Variants in KCNA2 observed in about 807,000 individuals in gnomAD.
KCNA2 encodes the protein potassium voltage-gated channel subfamily A member 2, also known as potassium channel, voltage gated shaker related subfamily A, member 2.
A neutral mutation model predicts 33.4 loss-of-function variants in KCNA2; 11 were observed. The observed-to-expected ratio is 0.33, with a 90% CI of 0.21 to 0.55. The LOEUF is 0.55. Ranked by LOEUF, KCNA2 falls within the 20% of genes least tolerant of loss-of-function variation. KCNA2 has a pLI of 0.93. For missense variants in KCNA2, 291 were observed against 621.6 expected (o/e 0.47, Z 5.66); for synonymous variants, 222 against 231.3 (o/e 0.96, Z 0.37).
chr1:110,598,261 C>G lies in KCNA2; in HGVS notation c.*5022G>C. ...TATGACAATGGGCCCCAGGAAAGCT[C>G]TGGGGAGCAGAGCTCAGCACCATCA... On this transcript the variant is annotated 3_prime_UTR_variant, in exon 3 of 3. Coordinates refer to ENST00000316361, the MANE Select transcript of KCNA2 (RefSeq NM_004974.4). 2 of 652,688 alleles carry G rather than the reference C, an allele frequency of 3.1e-6. No individual in the cohort carries two copies. The highest frequency in any genetic ancestry group is 3.8e-6 in the Non-Finnish European group (2 of 526,308). The allele number at this position is 652,688 out of a possible 1,614,324, so 40.4% of individuals were successfully genotyped here. A position where few individuals can be genotyped will look rare whatever the true frequency, so the allele number is the denominator to read the frequency against.
upstream of KCNA2, among the ~76,000 whole-genome samples, chr1:110,611,299 G>C (rs1649863964): frequency 6.6e-6 from 1 of 152,214 alleles, no homozygotes. Flanking sequence ...CAAAGTCAAG[G>C]TCAGCCTCCT....
chr1:110,598,623 C>T lies in KCNA2; in HGVS notation c.*4660G>A. On this transcript the variant is annotated 3_prime_UTR_variant, in exon 3 of 3. Transcript: ENST00000316361. Reference sequence around the variant, plus strand: ...CTGGGGTCTCAGGCCATCATAGCTTCCATGGGAGCCCTTTCCATACTAGGC... The same window carrying T: ...CTGGGGTCTCAGGCCATCATAGCTTTCATGGGAGCCCTTTCCATACTAGGC... The T allele has an allele frequency of 1.0e-6, 1 of 985,310 alleles. No homozygotes were observed. The highest frequency in any genetic ancestry group is 1.2e-6 in the Non-Finnish European group (1 of 829,944). 61.0% of individuals were successfully genotyped at this position (985,310 alleles called of 1,614,324 possible). A position where few individuals can be genotyped will look rare whatever the true frequency, so the allele number is the denominator to read the frequency against.
At position 110,598,154 on chromosome 1, in the gene KCNA2, G is replaced by A; in HGVS notation, c.*5129C>T. ...AATGGATACCTTGCCAAGGCTAGGG[G>A]AACCTCCATTGTGCAACCAAGGAGC... On this transcript the variant is annotated 3_prime_UTR_variant, in exon 3 of 3. Transcript: ENST00000316361. The A allele has an allele frequency of 1.2e-6, 1 of 812,298 alleles. No individual in the cohort carries two copies. Among genetic ancestry groups the A allele is most frequent in the Non-Finnish European group, 1.5e-6 (1 of 671,910 alleles). 50.3% of individuals were successfully genotyped at this position (812,298 alleles called of 1,614,324 possible).
At chr1:110,622,702 A>T (rs916972220) in intron 1 of KCNA2, among the ~76,000 whole-genome samples, 3 of 152,176 alleles carry the variant, frequency 2.0e-5, no homozygotes, top group African/African-American at 7.2e-5. Context: ...ACAACAAACA[A>T]TTATAAATTG....
chr1:110,621,097 C>T (rs1650246100), intron 1 of KCNA2, among the ~76,000 whole-genome samples: 1 of 152,230 alleles, frequency 6.6e-6, no homozygotes, highest in African/African-American at 2.4e-5. Flanking sequence ...TCTTGGACAA[C>T]CAATCTCTGG....
At chr1:110,612,936 C>G (rs1649924520) in intron 1 of KCNA2, among the ~76,000 whole-genome samples, 1 of 152,232 alleles carries the variant, frequency 6.6e-6, no homozygotes, top group Non-Finnish European at 1.5e-5. Context: ...GCTTGCCATT[C>G]ACATGACCTT....
At chr1:110,613,065 G>A (rs1027574875) in intron 1 of KCNA2, among the ~76,000 whole-genome samples, 2 of 152,202 alleles carry the variant, frequency 1.3e-5, no homozygotes, top group Non-Finnish European at 2.9e-5. Context: ...TTATCTCAGT[G>A]ACTTCCAGGA....
At position 110,602,393 on chromosome 1, in the gene KCNA2, CAACA is replaced by C; in HGVS notation, c.*886_*889del. On this transcript the variant is annotated 3_prime_UTR_variant, in exon 3 of 3. Coordinates refer to ENST00000316361, the MANE Select transcript of KCNA2 (RefSeq NM_004974.4). ...TGTGTTTTAAATATTGAGATTCATGCAACAAACACCCATGCAGCTCTATTGCATC... is the reference window on the plus strand; with the variant it reads ...TGTGTTTTAAATATTGAGATTCATGCAACACCCATGCAGCTCTATTGCATC... The C allele has an allele frequency of 1.4e-6, 2 of 1,391,160 alleles. No individual in the cohort carries two copies. Among genetic ancestry groups the C allele is most frequent in the Middle Eastern group, 2.7e-4 (1 of 3,730 alleles). The allele number at this position is 1,391,160 out of a possible 1,614,324, so 86.2% of individuals were successfully genotyped here.
chr1:110,629,189 G>T (rs976962885), intron 1 of KCNA2, among the ~76,000 whole-genome samples: 5 of 152,140 alleles, frequency 3.3e-5, no homozygotes, highest in African/African-American at 1.2e-4. Context: ...GAGAGCCTGA[G>T]TTTAGTGGCT....
At chr1:110,615,818 C>G (rs976686005) in intron 1 of KCNA2, among the ~76,000 whole-genome samples, 1 of 152,142 alleles carries the variant, frequency 6.6e-6, no homozygotes, top group Non-Finnish European at 1.5e-5. Flanking sequence ...GGAGGAGGGA[C>G]AGAGGGTCGG....
chr1:110,616,187 CTG>C (rs1231185653), intron 1 of KCNA2, among the ~76,000 whole-genome samples: 2 of 152,212 alleles, frequency 1.3e-5, no homozygotes, highest in Non-Finnish European at 2.9e-5. Context: ...ATCAGGGACT[CTG>C]TAACCTGCAG....
At chr1:110,609,573 G>A (rs922488582), upstream of KCNA2, among the ~76,000 whole-genome samples, 1 of 152,296 alleles carries the variant, frequency 6.6e-6, no homozygotes, top group Middle Eastern at 3.4e-3. Context: ...CAGGTGGAAT[G>A]AGCAGCTCTT....
At chr1:110,607,105 G>A (rs951929170), upstream of KCNA2, 1 of 152,282 alleles carries the variant, frequency 6.6e-6, no homozygotes, top group Non-Finnish European at 1.5e-5. Flanking sequence ...GCAGACGGCA[G>A]TGGTCGGCAA....
Position 110,600,679 on chromosome 1 carries a change from A to C in KCNA2, c.*2604T>G. 1.0e-6 allele frequency: 1 copy of C among 985,408 alleles called. No individual in the cohort carries two copies. The highest frequency in any genetic ancestry group is 1.2e-6 in the Non-Finnish European group (1 of 829,926). The allele number at this position is 985,408 out of a possible 1,614,324, so 61.0% of individuals were successfully genotyped here. On this transcript the variant is annotated 3_prime_UTR_variant, in exon 3 of 3. Coordinates refer to ENST00000316361, the MANE Select transcript of KCNA2 (RefSeq NM_004974.4). Reference sequence around the variant, plus strand: ...GATATCTATCCCTGACCTAGGCCTCAGATATGGGTTGCTTTACCTTCTATT... The same window carrying C: ...GATATCTATCCCTGACCTAGGCCTCCGATATGGGTTGCTTTACCTTCTATT...
Position 110,601,853 on chromosome 1 carries a change from TA to T in KCNA2, c.*1429del. 2 of 1,424,584 alleles carry T rather than the reference TA, an allele frequency of 1.4e-6. No homozygotes were observed. Among genetic ancestry groups the T allele is most frequent in the African/African-American group, 2.9e-5 (2 of 69,468 alleles). 88.2% of individuals were successfully genotyped at this position (1,424,584 alleles called of 1,614,324 possible). A position where few individuals can be genotyped will look rare whatever the true frequency, so the allele number is the denominator to read the frequency against. On this transcript the variant is annotated 3_prime_UTR_variant, in exon 3 of 3. Coordinates refer to ENST00000316361, the MANE Select transcript of KCNA2 (RefSeq NM_004974.4). Reference sequence around the variant, plus strand: ...GTATACATATACACACATATGTATGTATATATATACACCCTAGTGCACATAG... The same window carrying T: ...GTATACATATACACACATATGTATGTTATATATACACCCTAGTGCACATAG...
chr1:110,597,493 C>G lies in KCNA2; in HGVS notation c.*5790G>C. ...AATGGGGAGACAGAGGGAGAGGGGA[C>G]AGAGACACACATGGAGACAGAGAGG... On this transcript the variant is annotated 3_prime_UTR_variant, in exon 3 of 3. Transcript: ENST00000316361. The G allele has an allele frequency of 1.0e-6, 1 of 985,308 alleles. No homozygotes were observed. Among genetic ancestry groups the G allele is most frequent in the Non-Finnish European group, 1.2e-6 (1 of 829,928 alleles). The allele number at this position is 985,308 out of a possible 1,614,324, so 61.0% of individuals were successfully genotyped here. A position where few individuals can be genotyped will look rare whatever the true frequency, so the allele number is the denominator to read the frequency against.
At chr1:110,614,232 A>T (rs1649977687) in intron 1 of KCNA2, among the ~76,000 whole-genome samples, 1 of 152,168 alleles carries the variant, frequency 6.6e-6, no homozygotes, top group Non-Finnish European at 1.5e-5. Flanking sequence ...CTGTGGCTTG[A>T]GGTCTTGCAC....
In KCNA2 at chr1:110,598,031, A is replaced by G; in HGVS notation, c.*5252T>C. The G allele has an allele frequency of 1.0e-6, 1 of 985,452 alleles. No homozygotes were observed. Among genetic ancestry groups the G allele is most frequent in the Non-Finnish European group, 1.2e-6 (1 of 829,982 alleles). The allele number at this position is 985,452 out of a possible 1,614,324, so 61.0% of individuals were successfully genotyped here. ...GTCTGAAGATATAGATGATGGTCAC[A>G]ATAGCTACTGAGAGAGCTCCCAGCA... On this transcript the variant is annotated 3_prime_UTR_variant, in exon 3 of 3. Coordinates refer to ENST00000316361, the MANE Select transcript of KCNA2 (RefSeq NM_004974.4).
chr1:110,603,632 G>C lies in KCNA2; in HGVS notation c.1151C>G (p.Thr384Ser), dbSNP rs754568553. 6.2e-7 allele frequency: 1 copy of C among 1,614,072 alleles called. No homozygotes were observed. The highest frequency in any genetic ancestry group is 1.1e-5 in the South Asian group (1 of 91,072). Reference sequence around the variant, plus strand: ...GGAACCCACTATCTTTCCCCCAATGGTAGTCGGAACCATGTCTCCATAGCC... The same window carrying C: ...GGAACCCACTATCTTTCCCCCAATGCTAGTCGGAACCATGTCTCCATAGCC... Reference protein sequence around the residue: ...TVGYGDMVPTTIGGKIVGSLC... With the variant: ...TVGYGDMVPTSIGGKIVGSLC... Residue 384 changes from threonine to serine, a missense_variant, in exon 3 of 3, where the codon ACC (threonine) becomes AGC (serine). Physicochemically the swap from Thr to Ser is moderately conservative, Grantham distance 58. Coordinates refer to ENST00000316361, the MANE Select transcript of KCNA2 (RefSeq NM_004974.4). The surrounding 1 kb of genome is among the most constrained non-coding windows in gnomAD (Gnocchi z 5.7).
Sources: allele counts gnomAD v4.1 joint callset (sites outside exome capture counted in the v4.1 genomes callset), GRCh38; gene constraint gnomAD v4.1.1; non-coding constraint Gnocchi (gnomAD v3.1); transcripts MANE v1.5; gene names NCBI Gene and HGNC (gene_info 2026-07-23, HGNC 2026-07-21).